GRM7: variants seen among roughly 807,000 people sequenced by gnomAD.
The protein encoded by GRM7 is metabotropic glutamate receptor 7.
A neutral mutation model predicts 84.5 loss-of-function variants in GRM7; 35 were observed. The ratio of observed to expected loss-of-function variants is 0.41; its 90% CI spans 0.32 to 0.55. The LOEUF (loss-of-function observed/expected upper bound fraction) is 0.55, where lower values mean the gene tolerates loss of function less well. Among genes scored for constraint, GRM7 ranks in the 20% least tolerant of loss-of-function variants. The pLI is 0.19. For synonymous variants in GRM7, 487 were observed against 455.1 expected, an observed-to-expected ratio of 1.07 and a Z score of -0.89; for missense variants, 1,003 against 1,194.6, an observed-to-expected ratio of 0.84 and a Z score of 2.36.
chr3:6,935,727 G>A (rs1009502870), intron 1 of GRM7, among the ~76,000 whole-genome samples: 3 of 145,332 alleles, frequency 2.1e-5, no homozygotes, highest in Non-Finnish European at 4.5e-5. Flanking sequence ...ACAGAGTCTC[G>A]CTCTGTCATC....
chr3:6,931,168 A>G (rs1265451835), intron 1 of GRM7, among the ~76,000 whole-genome samples: 2 of 152,216 alleles, frequency 1.3e-5, no homozygotes, highest in African/African-American at 4.8e-5. Context: ...TTAAATCAGG[A>G]AGTGCAAGAC....
At chr3:7,582,956 C>G (rs1214284631) in intron 8 of GRM7, among the ~76,000 whole-genome samples, 1 of 152,166 alleles carries the variant, frequency 6.6e-6, no homozygotes, top group Non-Finnish European at 1.5e-5. Context: ...TTTTTAAAAG[C>G]CTTACTACTT....
intron 1 of GRM7, among the ~76,000 whole-genome samples, chr3:6,907,954 C>G (rs1162510123): frequency 6.6e-6 from 1 of 152,110 alleles, no homozygotes; most frequent in South Asian, 2.1e-4. Context: ...ATCTCTCTTT[C>G]CCTCTCTGCT....
intron 8 of GRM7, among the ~76,000 whole-genome samples, chr3:7,667,569 A>G (rs970894317): frequency 6.6e-6 from 1 of 152,172 alleles, no homozygotes; most frequent in Non-Finnish European, 1.5e-5. Flanking sequence ...TCAAAGTTTC[A>G]TATAGTTTCA....
intron 8 of GRM7, among the ~76,000 whole-genome samples, chr3:7,654,881 T>G (rs2125117736): frequency 6.6e-6 from 1 of 152,368 alleles, no homozygotes; most frequent in East Asian, 1.9e-4. Flanking sequence ...ACATATATTT[T>G]ACTTCTGATC....
chr3:7,259,897 C>T (rs1013286777), intron 2 of GRM7, among the ~76,000 whole-genome samples: 3 of 148,708 alleles, frequency 2.0e-5, no homozygotes, highest in Middle Eastern at 3.2e-3. Context: ...AACTAACCTA[C>T]GTGCCCACCA....
At chr3:7,655,266 C>A (rs1169764350) in intron 8 of GRM7, among the ~76,000 whole-genome samples, 2 of 152,176 alleles carry the variant, frequency 1.3e-5, no homozygotes, top group African/African-American at 4.8e-5. Flanking sequence ...CAATTTCTTG[C>A]AAAATCTTCA....
At chr3:7,376,097 G>A (rs912095187) in intron 4 of GRM7, among the ~76,000 whole-genome samples, 7 of 152,240 alleles carry the variant, frequency 4.6e-5, no homozygotes, top group African/African-American at 1.2e-4. Context: ...AAGTACTCCC[G>A]AGATATAAAG....
At chr3:7,010,757 G>A (rs538063646) in intron 1 of GRM7, among the ~76,000 whole-genome samples, 1 of 152,296 alleles carries the variant, frequency 6.6e-6, no homozygotes, top group South Asian at 2.1e-4. Context: ...GCAGCATGGG[G>A]TGGAGAGCCA....
chr3:7,220,524 G>A (rs1368662936), intron 2 of GRM7, among the ~76,000 whole-genome samples: 3 of 152,164 alleles, frequency 2.0e-5, no homozygotes, highest in Admixed American at 2.0e-4. Flanking sequence ...AACTGTCATA[G>A]CCAAGAGGAG....
chr3:7,480,745 G>A (rs184879918), intron 7 of GRM7, among the ~76,000 whole-genome samples: 51 of 152,274 alleles, frequency 3.3e-4, no homozygotes, highest in Admixed American at 2.8e-3. Context: ...AAACTTTGCT[G>A]TACATTCAGA....
intron 1 of GRM7, among the ~76,000 whole-genome samples, chr3:6,912,095 G>T (rs944849909): frequency 3.3e-5 from 5 of 152,040 alleles, no homozygotes; most frequent in African/African-American, 1.2e-4. Context: ...ATTGTTTAGT[G>T]CTTTCTTCTT....
chr3:7,206,981 G>A (rs1696261498), intron 2 of GRM7, among the ~76,000 whole-genome samples: 1 of 152,158 alleles, frequency 6.6e-6, no homozygotes, highest in Non-Finnish European at 1.5e-5. Flanking sequence ...CGGAGTTATG[G>A]CTAAAGATGA....
At chr3:7,734,250 G>T (rs1050714999) in intron 9 of GRM7, among the ~76,000 whole-genome samples, 1 of 131,690 alleles carries the variant, frequency 7.6e-6, no homozygotes, top group Admixed American at 7.7e-5. Flanking sequence ...GCAGGGGCGG[G>T]GGGGGGGTTT....
intron 9 of GRM7, among the ~76,000 whole-genome samples, chr3:7,703,326 CAAGT>C (rs1189166016): frequency 2.0e-5 from 3 of 152,112 alleles, no homozygotes; most frequent in African/African-American, 7.2e-5. Flanking sequence ...ACAACCCCCC[CAAGT>C]AAGTCCGATG....
chr3:6,865,806 G>C (rs1694919446), intron 1 of GRM7, among the ~76,000 whole-genome samples: 1 of 151,996 alleles, frequency 6.6e-6, no homozygotes, highest in South Asian at 2.1e-4. Flanking sequence ...TGAGCACATA[G>C]GGTGGTGTGG....
At chr3:7,035,259 G>C (rs1450762407) in intron 1 of GRM7, among the ~76,000 whole-genome samples, 2 of 152,114 alleles carry the variant, frequency 1.3e-5, no homozygotes, top group Non-Finnish European at 2.9e-5. Context: ...TGGCAAAAAT[G>C]GAAGCAAAGA....
intron 7 of GRM7, among the ~76,000 whole-genome samples, chr3:7,513,503 A>C (rs908240917): frequency 1.3e-5 from 2 of 152,210 alleles, no homozygotes; most frequent in Non-Finnish European, 2.9e-5. Context: ...TGAATATAAA[A>C]ATATGGTTAC....
intron 4 of GRM7, among the ~76,000 whole-genome samples, chr3:7,389,337 G>A (rs990043852): frequency 2.0e-5 from 3 of 152,080 alleles, no homozygotes; most frequent in Non-Finnish European, 4.4e-5. Flanking sequence ...CAGATGAGAA[G>A]TTATATTCTG....
Sources: allele counts gnomAD v4.1 joint callset (sites outside exome capture counted in the v4.1 genomes callset), GRCh38; gene constraint gnomAD v4.1.1; transcripts MANE v1.5; gene names NCBI Gene and HGNC (gene_info 2026-07-23, HGNC 2026-07-21).